Variants in SCPEP1 observed in about 807,000 individuals in gnomAD.
SCPEP1 encodes retinoid-inducible serine carboxypeptidase.
SCPEP1 carries 51 observed loss-of-function variants against 63.8 expected under a neutral mutation model. That is an observed-to-expected ratio of 0.80 (90% CI 0.64 to 1.01). The LOEUF is 1.01. Among genes scored for constraint, SCPEP1 ranks in the 50% least tolerant of loss-of-function variants. The pLI is 0.00. For synonymous variants in SCPEP1, 204 were observed against 207.8 expected, an observed-to-expected ratio of 0.98 and a Z score of 0.16; for missense variants, 499 against 554.9, an observed-to-expected ratio of 0.90 and a Z score of 1.01.
chr17:57,000,995 A>G lies in SCPEP1; in HGVS notation c.1132+3A>G. On this transcript the variant is annotated splice_donor_region_variant and intron_variant, in intron 11 of 12. Transcript: ENST00000262288. ...GGATCTCATCGTAGATACCATGGGT[A>G]GGAATTGACTCTGAGAGGCACCTAG... The G allele has an allele frequency of 2.5e-6, 4 of 1,614,164 alleles. No homozygotes were observed. Among genetic ancestry groups the G allele is most frequent in the South Asian group, 1.1e-5 (1 of 91,080 alleles).
intron 4 of SCPEP1, 81 bp downstream of exon 4, chr17:56,987,931 C>G: frequency 6.8e-7 from 1 of 1,468,300 alleles, no homozygotes; most frequent in Non-Finnish European, 9.2e-7. Flanking sequence ...TGAACTGCCT[C>G]CAGAGTTTAA....
chr17:57,004,352 A>C (rs1911825864), intron 12 of SCPEP1, among the ~76,000 whole-genome samples: 1 of 152,236 alleles, frequency 6.6e-6, no homozygotes, highest in Non-Finnish European at 1.5e-5. Flanking sequence ...ACTCTGTCTC[A>C]AAAAGTAAAT....
At chr17:57,003,693 C>T (rs1393047946) in intron 12 of SCPEP1, among the ~76,000 whole-genome samples, 2 of 152,104 alleles carry the variant, frequency 1.3e-5, no homozygotes, top group East Asian at 1.9e-4. Flanking sequence ...GGGAGGGGCC[C>T]GCAGTGCTAA....
At chr17:56,998,276 A>C in intron 9 of SCPEP1, 109 bp from the exon 10 acceptor site, 1 of 695,956 alleles carries the variant, frequency 1.4e-6, no homozygotes, top group Middle Eastern at 2.5e-4. Context: ...GTGCCACTGC[A>C]CTCCAGCCTG....
chr17:56,984,709 G>T (rs1911164369), intron 2 of SCPEP1: 1 of 152,834 alleles, frequency 6.5e-6, no homozygotes, highest in Non-Finnish European at 1.5e-5. Flanking sequence ...CCTGGGGAGA[G>T]GGTGATGGAG....
chr17:56,982,465 C>T (rs1052129405), intron 2 of SCPEP1, among the ~76,000 whole-genome samples: 9 of 152,212 alleles, frequency 5.9e-5, no homozygotes, highest in African/African-American at 2.2e-4. Flanking sequence ...AGCTGAGGCT[C>T]AGCCCCAGGT....
chr17:56,990,100 A>G (rs183045059), intron 5 of SCPEP1, among the ~76,000 whole-genome samples: 1 of 152,292 alleles, frequency 6.6e-6, no homozygotes, highest in African/African-American at 2.4e-5. Flanking sequence ...GAGTGTGGAA[A>G]GTTCTCCTTT....
chr17:56,993,736 C>T (rs1298247476), intron 6 of SCPEP1, among the ~76,000 whole-genome samples: 3 of 152,184 alleles, frequency 2.0e-5, no homozygotes, highest in Non-Finnish European at 4.4e-5. Flanking sequence ...CGTGAGCCAC[C>T]GCACCCAGCC....
chr17:57,001,447 C>T (rs1567870172), intron 11 of SCPEP1, among the ~76,000 whole-genome samples: 1 of 152,168 alleles, frequency 6.6e-6, no homozygotes, highest in African/African-American at 2.4e-5. Flanking sequence ...CTATCACCTA[C>T]CACCTGTTTA....
intron 12 of SCPEP1, among the ~76,000 whole-genome samples, chr17:57,002,755 C>T (rs1911777603): frequency 6.6e-6 from 1 of 151,014 alleles, no homozygotes; most frequent in Non-Finnish European, 1.5e-5. Flanking sequence ...CCTGTGGTCT[C>T]AGCTGCTCAG....
chr17:57,003,118 C>T (rs551349508), intron 12 of SCPEP1, among the ~76,000 whole-genome samples: 18 of 151,984 alleles, frequency 1.2e-4, no homozygotes, highest in South Asian at 4.2e-4. Context: ...TTGTGCCCCA[C>T]GTGATGCGTA....
At chr17:56,995,713 AACT>A in intron 8 of SCPEP1, 78 bp downstream of exon 8, 1 of 1,485,868 alleles carries the variant, frequency 6.7e-7, no homozygotes, top group Non-Finnish European at 9.0e-7. Flanking sequence ...GGTGTTGTCA[AACT>A]TGGAGTCTAC....
rs951099875 is a variant in SCPEP1, at chr17:56,991,316, T to C, written c.619+145T>C. The C allele has an allele frequency of 1.8e-5, 13 of 718,706 alleles. No homozygotes were observed. In the Admixed American group the frequency reaches 2.1e-4, roughly 12 times the overall value. 44.5% of individuals were successfully genotyped at this position (718,706 alleles called of 1,614,324 possible). A position where few individuals can be genotyped will look rare whatever the true frequency, so the allele number is the denominator to read the frequency against. On this transcript the variant is annotated intron_variant, in intron 6 of 12. Transcript: ENST00000262288. ...AAGTGTTTGCTACATCCAAGAAATA[T>C]AGAGACAGAGTGCCTACCATGGACC...
chr17:56,995,627 A>G lies in SCPEP1; in HGVS notation c.778A>G (p.Ile260Val), dbSNP rs780857511. The G allele has an allele frequency of 9.3e-6, 15 of 1,613,912 alleles. No homozygotes were observed. Among genetic ancestry groups the G allele is most frequent in the Non-Finnish European group, 1.3e-5 (15 of 1,179,918 alleles). Reference sequence around the variant, plus strand: ...GCTGTGGGGGAAAGCAGAAATGATCATTGAACAGGTAAAAAGGGGAAACAC... The same window carrying G: ...GCTGTGGGGGAAAGCAGAAATGATCGTTGAACAGGTAAAAAGGGGAAACAC... ...TELWGKAEMI[I>V]EQNTDGVNFY... is the part of the protein sequence containing the mutation. The change falls in exon 8 of 13, where the codon ATT becomes GTT. Residue 260 changes from isoleucine (I) to valine (V), a missense_variant. By Grantham distance (29) the Ile-to-Val change is conservative (BLOSUM62 3). Coordinates refer to ENST00000262288, the MANE Select transcript of SCPEP1 (RefSeq NM_021626.3).
At chr17:56,998,590 G>T in intron 10 of SCPEP1, 92 bp downstream of exon 10, 1 of 949,176 alleles carries the variant, frequency 1.1e-6, no homozygotes. Flanking sequence ...GGTGGGTTTT[G>T]TTGTTGGTGA....
At chr17:56,997,894 C>G (rs1450669695) in intron 9 of SCPEP1, 1 of 156,062 alleles carries the variant, frequency 6.4e-6, no homozygotes, top group Non-Finnish European at 1.4e-5. Flanking sequence ...AATAAAGCCT[C>G]TCCACTTTCA....
intron 12 of SCPEP1, among the ~76,000 whole-genome samples, chr17:57,004,270 G>A (rs1292562594): frequency 6.6e-6 from 1 of 152,148 alleles, no homozygotes; most frequent in South Asian, 2.1e-4. Flanking sequence ...CCTGCCTGTG[G>A]TCTCAGCTGC....
In SCPEP1 at chr17:56,981,123, T is replaced by C. The variant is rs763268036; in HGVS notation, c.118T>C (p.Trp40Arg). 1.2e-6 allele frequency: 2 copies of C among 1,614,120 alleles called. No individual in the cohort carries two copies. Among genetic ancestry groups the C allele is most frequent in the South Asian group, 2.2e-5 (2 of 91,082 alleles). ...GCCCACAGAGGAGGGCAAGGAAGTA[T>C]GGGATTATGTGACGGTCCGCAAGGA... is the stretch of plus-strand genomic sequence containing the variant. ...DWPTEEGKEV[W>R]DYVTVRKDAY... The change falls in exon 2 of 13, where the codon TGG becomes CGG. Residue 40 changes from tryptophan to arginine, a missense_variant. Coordinates refer to ENST00000262288, the MANE Select transcript of SCPEP1 (RefSeq NM_021626.3).
chr17:56,990,989 C>A (rs1911378599), intron 5 of SCPEP1, 110 bp from the exon 6 acceptor site: 5 of 832,846 alleles, frequency 6.0e-6, no homozygotes, highest in Admixed American at 5.2e-5. Context: ...CTAGGCTGGT[C>A]TTGTATTCCT....
Sources: gnomAD v4.1 joint callset for allele counts (sites outside exome capture counted in the v4.1 genomes callset) on GRCh38, gnomAD v4.1.1 for gene constraint, MANE v1.5 for transcripts, NCBI Gene and HGNC (gene_info 2026-07-23, HGNC 2026-07-21) for gene names.